The following ACTN1 variants were observed in gnomAD, a reference collection of about 807,000 sequenced individuals.
The protein encoded by ACTN1 is alpha-actinin-1.
ACTN1 carries 30 observed loss-of-function variants against 119.6 expected under a neutral mutation model. The ratio of observed to expected loss-of-function variants is 0.25; its 90% CI spans 0.19 to 0.34. ACTN1 has a LOEUF of 0.34. ACTN1 is among the 10% of genes least tolerant of loss of function. ACTN1 has a pLI of 1.00. For synonymous variants in ACTN1, 429 were observed against 472.6 expected (o/e 0.91, Z 1.20); for missense variants, 764 against 1,223.4 (o/e 0.62, Z 5.60).
chr14:68,917,719 C>T (rs2034385327), intron 3 of ACTN1, among the ~76,000 whole-genome samples: 1 of 152,218 alleles, frequency 6.6e-6, no homozygotes, highest in Admixed American at 6.5e-5. Flanking sequence ...GAAGCCACAG[C>T]TGAAAACACT....
At chr14:68,886,414 C>G (rs959587919) in intron 11 of ACTN1, 9 of 152,322 alleles carry the variant, frequency 5.9e-5, no homozygotes, top group Middle Eastern at 6.8e-3. Flanking sequence ...TACAGGTAAG[C>G]CTACTTATCC....
At chr14:68,881,268 G>A in intron 16 of ACTN1, 1 of 393,610 alleles carries the variant, frequency 2.5e-6, no homozygotes, top group Non-Finnish European at 4.6e-6. Context: ...GGGATGCAGG[G>A]TCAGTTCTAA....
Position 68,885,701 on chromosome 14 carries a change from G to A in ACTN1, c.1235-126C>T. 9.3e-7 allele frequency: 1 copy of A among 1,080,366 alleles called. No homozygotes were observed. 66.9% of individuals were successfully genotyped at this position (1,080,366 alleles called of 1,614,324 possible). On this transcript the variant is annotated intron_variant, in intron 11 of 21. Coordinates refer to ENST00000394419, the MANE Select transcript of ACTN1 (RefSeq NM_001130004.2). This position sits in a 1 kb window ranked among gnomAD's most constrained non-coding sequence, Gnocchi z 5.6. Reference sequence around the variant, plus strand: ...TGCTTCTCAAGGAGGTGCCCATTGTGCAGGGATCTGCAGGGTGCAAAAGCA... The same window carrying A: ...TGCTTCTCAAGGAGGTGCCCATTGTACAGGGATCTGCAGGGTGCAAAAGCA...
intron 4 of ACTN1, 33 bp from the exon 5 acceptor site, chr14:68,910,075 G>T: frequency 6.3e-7 from 1 of 1,581,522 alleles, no homozygotes. Flanking sequence ...CGAGGTCAGA[G>T]GGCTGACTCG....
rs902190960 is a variant in ACTN1, at chr14:68,909,562, A to G, written c.516-166T>C. Among the ~76,000 whole-genome samples, 1 of 152,092 alleles carries G rather than the reference A, an allele frequency of 6.6e-6. No homozygotes were observed. Among genetic ancestry groups the G allele is most frequent in the African/African-American group, 2.4e-5 (1 of 41,414 alleles). On this transcript the variant is annotated intron_variant, in intron 5 of 21. Transcript: ENST00000394419. The surrounding 1 kb of genome is among the most constrained non-coding windows in gnomAD (Gnocchi z 4.1). Reference sequence around the variant, plus strand: ...GAAGGGACATTTCTTCCTGCCACAAATCCCAGGCACTAGGGTCAAGACTTT... The same window carrying G: ...GAAGGGACATTTCTTCCTGCCACAAGTCCCAGGCACTAGGGTCAAGACTTT...
At chr14:68,891,119 G>A (rs1280172297) in intron 10 of ACTN1, among the ~76,000 whole-genome samples, 1 of 152,154 alleles carries the variant, frequency 6.6e-6, no homozygotes, top group Non-Finnish European at 1.5e-5. Context: ...GACCCCCTGG[G>A]CTGCCGTCTC....
At position 68,882,793 on chromosome 14, in the gene ACTN1, TGACAAAAATCAATTAAAATG is replaced by T. The variant is rs2031673355; in HGVS notation, c.1818+60_1818+79del. 1.3e-6 allele frequency: 2 copies of T among 1,561,474 alleles called. No homozygotes were observed. Among genetic ancestry groups the T allele is most frequent in the African/African-American group, 1.4e-5 (1 of 73,430 alleles). On this transcript the variant is annotated intron_variant, in intron 15 of 21. Coordinates refer to ENST00000394419, the MANE Select transcript of ACTN1 (RefSeq NM_001130004.2). This position sits in a 1 kb window ranked among gnomAD's most constrained non-coding sequence, Gnocchi z 4.5. The stretch of plus-strand genomic sequence containing the variant: ...ACTATATGACAATTTTAAATGAAAT[TGACAAAAATCAATTAAAATG>T]GACAAAAATCCCTGCCTTTATGAAA...
Position 68,885,526 on chromosome 14 carries a change from C to T in ACTN1, c.1284G>A (p.Ser428=), listed in dbSNP as rs755045696. The T allele has an allele frequency of 2.7e-5, 44 of 1,613,958 alleles. No individual in the cohort carries two copies. The highest frequency in any genetic ancestry group is 3.3e-4 in the Middle Eastern group (2 of 6,078). The change falls in exon 12 of 22, where the codon TCG becomes TCA. Residue 428 remains serine, a synonymous_variant. Coordinates refer to ENST00000394419, the MANE Select transcript of ACTN1 (RefSeq NM_001130004.2). This position sits in a 1 kb window ranked among gnomAD's most constrained non-coding sequence, Gnocchi z 5.6. ...GCTTCTTGAGCAGGGCCTTGATCTCCGAGAGGGTGGCGGTCTCATAGTCCT... is the reference window on the plus strand; with the variant it reads ...GCTTCTTGAGCAGGGCCTTGATCTCTGAGAGGGTGGCGGTCTCATAGTCCT... ...RQKDYETATL[S]EIKALLKKHE...
intron 8 of ACTN1, among the ~76,000 whole-genome samples, chr14:68,898,719 G>A (rs1319425860): frequency 5.9e-5 from 9 of 152,016 alleles, no homozygotes. Context: ...CCCTGACCAG[G>A]ACATGAGAGG....
chr14:68,936,858 T>A, intron 1 of ACTN1: 1 of 587,280 alleles, frequency 1.7e-6, no homozygotes, highest in Non-Finnish European at 3.3e-6. Context: ...GTAGGACAAC[T>A]TCTTGTGATG....
intron 1 of ACTN1, among the ~76,000 whole-genome samples, chr14:68,932,326 C>T (rs2035257331): frequency 6.6e-6 from 1 of 151,792 alleles, no homozygotes; most frequent in South Asian, 2.1e-4. Context: ...TGCTCTCAAA[C>T]ATCAGACTCC....
chr14:68,884,674 C>A, intron 13 of ACTN1, 101 bp downstream of exon 13: 1 of 1,035,934 alleles, frequency 9.7e-7, no homozygotes, highest in South Asian at 1.4e-5. Flanking sequence ...TCTGGGGAAG[C>A]CATAGAGTCT....
intron 3 of ACTN1, among the ~76,000 whole-genome samples, chr14:68,919,228 C>T (rs1222028552): frequency 6.6e-6 from 1 of 152,214 alleles, no homozygotes; most frequent in Non-Finnish European, 1.5e-5. Context: ...CACACAGCAG[C>T]AACTTCTTAC....
intron 1 of ACTN1, among the ~76,000 whole-genome samples, chr14:68,960,432 G>A (rs1203591989): frequency 1.3e-5 from 2 of 152,100 alleles, no homozygotes; most frequent in Non-Finnish European, 2.9e-5. Flanking sequence ...ATGTCACAGT[G>A]TACATGTCTA....
At chr14:68,901,238 G>T (rs797022698) in intron 8 of ACTN1, among the ~76,000 whole-genome samples, 83 of 121,282 alleles carry the variant, frequency 6.8e-4, no homozygotes, top group South Asian at 1.6e-3. Context: ...GTTTTGTTTT[G>T]TTTTTGTTTT....
chr14:68,887,266 G>A, intron 11 of ACTN1: 1 of 325,342 alleles, frequency 3.1e-6, no homozygotes, highest in South Asian at 2.5e-5. Context: ...TCACAGCACA[G>A]TGACAAAGTT....
intron 8 of ACTN1, among the ~76,000 whole-genome samples, chr14:68,896,534 G>A (rs1296126430): frequency 6.6e-6 from 1 of 152,206 alleles, no homozygotes; most frequent in African/African-American, 2.4e-5. Context: ...AGAACCCCAT[G>A]AACTCTGAGG....
chr14:68,957,710 C>T (rs1388897734), intron 1 of ACTN1, among the ~76,000 whole-genome samples: 2 of 152,102 alleles, frequency 1.3e-5, no homozygotes, highest in Non-Finnish European at 2.9e-5. Context: ...AACCCTCAGC[C>T]CACAACCAGT....
At chr14:68,905,138 A>G (rs2033588305) in intron 6 of ACTN1, among the ~76,000 whole-genome samples, 1 of 152,212 alleles carries the variant, frequency 6.6e-6, no homozygotes, top group African/African-American at 2.4e-5. Context: ...TTCTCCATCC[A>G]TAACTCAAGA....
Sources: gnomAD v4.1 joint callset for allele counts (sites outside exome capture counted in the v4.1 genomes callset) on GRCh38, gnomAD v4.1.1 for gene constraint, Gnocchi (gnomAD v3.1) non-coding constraint, MANE v1.5 for transcripts, NCBI Gene and HGNC (gene_info 2026-07-23, HGNC 2026-07-21) for gene names.